ATRNL1: variants seen among roughly 807,000 people sequenced by gnomAD.
The protein encoded by ATRNL1 is attractin like 1.
A neutral mutation model predicts 182.7 loss-of-function variants in ATRNL1; 95 were observed. The observed-to-expected ratio is 0.52, with a 90% confidence interval of 0.44 to 0.62. ATRNL1 has a LOEUF of 0.62. Among genes scored for constraint, ATRNL1 ranks in the 20% least tolerant of loss-of-function variants. The probability of loss-of-function intolerance (pLI) is 0.00; values close to 1 mark genes in which losing one functional copy is unlikely to be tolerated. For synonymous variants in ATRNL1, 576 were observed against 568.3 expected, an observed-to-expected ratio of 1.01 and a Z score of -0.19; for missense variants, 1,471 against 1,679.5, an observed-to-expected ratio of 0.88 and a Z score of 2.17.
At chr10:115,186,208 A>G (rs1847933539) in intron 8 of ATRNL1, among the ~76,000 whole-genome samples, 1 of 151,546 alleles carries the variant, frequency 6.6e-6, no homozygotes, top group African/African-American at 2.4e-5. Flanking sequence ...ACAAATGATG[A>G]GAAACACTGG....
chr10:115,095,322 A>G (rs1337787246), intron 1 of ATRNL1, among the ~76,000 whole-genome samples: 1 of 151,608 alleles, frequency 6.6e-6, no homozygotes, highest in East Asian at 1.9e-4. Context: ...AATGTATTCT[A>G]GGACAATTTC....
rs537669869 is a variant in ATRNL1, at chr10:115,826,496, A to G, written c.3904-21381A>G. Among the ~76,000 whole-genome samples, 12 of 152,226 alleles carry G rather than the reference A, an allele frequency of 7.9e-5. No individual in the cohort carries two copies. In the South Asian group the frequency reaches 2.3e-3, roughly 29 times the overall value. On this transcript the variant is annotated intron_variant, in intron 27 of 28. Coordinates refer to ENST00000355044, the MANE Select transcript of ATRNL1 (RefSeq NM_207303.4). Reference sequence around the variant, plus strand: ...CTTTTTCACTCCCATAGTTTGGCGTATGGGAAACAATGTTACAGCCCTTTT... The same window carrying G: ...CTTTTTCACTCCCATAGTTTGGCGTGTGGGAAACAATGTTACAGCCCTTTT...
Position 115,764,284 on chromosome 10 carries a change from C to T in ATRNL1, c.3903+36929C>T, listed in dbSNP as rs1326618100. On this transcript the variant is annotated intron_variant, in intron 27 of 28. Transcript: ENST00000355044. ...CCCCACCAGAGTGACACAGTTGTTACACTTGATGAAGCTACATTGACACAT... is the reference window on the plus strand; with the variant it reads ...CCCCACCAGAGTGACACAGTTGTTATACTTGATGAAGCTACATTGACACAT... Among the ~76,000 whole-genome samples, 6 of 152,282 alleles carry T rather than the reference C, an allele frequency of 3.9e-5. No homozygotes were observed. In the South Asian group the frequency reaches 1.0e-3, roughly 26 times the overall value.
chr10:115,356,173 AT>A, intron 19 of ATRNL1, among the ~76,000 whole-genome samples: 1 of 152,072 alleles, frequency 6.6e-6, no homozygotes, highest in Non-Finnish European at 1.5e-5. Flanking sequence ...ATTCTCACAC[AT>A]TGTAGATTAT....
intron 26 of ATRNL1, among the ~76,000 whole-genome samples, chr10:115,698,484 C>G (rs188297333): frequency 6.2e-4 from 94 of 151,972 alleles, no homozygotes; most frequent in African/African-American, 2.1e-3. Flanking sequence ...TTGCTAGTGT[C>G]AAGAAGAAAT....
chr10:115,374,658 C>A (rs1554949043), intron 19 of ATRNL1, among the ~76,000 whole-genome samples: 1 of 151,710 alleles, frequency 6.6e-6, no homozygotes, highest in Non-Finnish European at 1.5e-5. Flanking sequence ...TTGTTCAACC[C>A]ATAACTTTTG....
chr10:115,452,065 A>G (rs2134489082), intron 21 of ATRNL1, among the ~76,000 whole-genome samples: 1 of 152,234 alleles, frequency 6.6e-6, no homozygotes, highest in East Asian at 1.9e-4. Flanking sequence ...GATGAGAACT[A>G]AAGAACACAA....
At chr10:115,566,956 A>C (rs782059369) in intron 26 of ATRNL1, among the ~76,000 whole-genome samples, 1 of 152,154 alleles carries the variant, frequency 6.6e-6, no homozygotes, top group African/African-American at 2.4e-5. Context: ...TTGATGAATC[A>C]TATTCCAATT....
chr10:115,690,942 A>G (rs1386514889), intron 26 of ATRNL1, among the ~76,000 whole-genome samples: 1 of 152,038 alleles, frequency 6.6e-6, no homozygotes, highest in African/African-American at 2.4e-5. Flanking sequence ...ATTACGCTTT[A>G]CCTACAATAC....
Position 115,621,254 on chromosome 10 carries a change from A to AATATATATATAT in ATRNL1, c.3795+71730_3795+71741dup, listed in dbSNP as rs781830067. 6.9e-3 allele frequency among the ~76,000 whole-genome samples: 488 copies of AATATATATATAT among 71,006 alleles called. 11 individuals carry two copies. The highest frequency in any genetic ancestry group is 0.013 in the South Asian group (20 of 1,528). 46.6% of individuals were successfully genotyped at this position (71,006 alleles called of 152,430 possible). A position where few individuals can be genotyped will look rare whatever the true frequency, so the allele number is the denominator to read the frequency against. On this transcript the variant is annotated intron_variant, in intron 26 of 28. Transcript: ENST00000355044. ...TTCAAATAATGGCCATTGAGCTCTG[A>AATATATATATAT]ATATATATATATATATATATATAGA...
rs768372126 is a variant in ATRNL1, at chr10:115,147,213, C to G, written c.830-12827C>G. Among the ~76,000 whole-genome samples, 37 of 152,104 alleles carry G rather than the reference C, an allele frequency of 2.4e-4. 1 individual carries two copies. Among genetic ancestry groups the G allele is most frequent in the Non-Finnish European group, 4.6e-4 (31 of 67,954 alleles). On this transcript the variant is annotated intron_variant, in intron 5 of 28. Transcript: ENST00000355044. ...TTGTGGTTTTTGATTGGCAAATTCC[C>G]TGGTGATTGGTGATGTTAAACTATT... is the stretch of plus-strand genomic sequence containing the variant.
At chr10:115,938,608 C>T (rs532572991) in intron 28 of ATRNL1, among the ~76,000 whole-genome samples, 179 of 151,914 alleles carry the variant, frequency 1.2e-3, no homozygotes, top group Non-Finnish European at 2.1e-3. Context: ...TGTCCATCAA[C>T]GGATAAAGGG....
At chr10:115,267,150 C>A (rs543975314) in intron 12 of ATRNL1, 145 bp downstream of exon 12, 1 of 574,574 alleles carries the variant, frequency 1.7e-6, no homozygotes, top group Non-Finnish European at 3.1e-6. Context: ...AATGTTTGAA[C>A]CTAGTGATTA....
At chr10:115,270,495 A>C (rs1203585433) in intron 13 of ATRNL1, among the ~76,000 whole-genome samples, 3 of 149,916 alleles carry the variant, frequency 2.0e-5, no homozygotes, top group African/African-American at 7.3e-5. Context: ...AAATTGGCTC[A>C]TGTGGTTATG....
At chr10:115,334,485 C>T in intron 19 of ATRNL1, 66 bp downstream of exon 19, 1 of 1,293,444 alleles carries the variant, frequency 7.7e-7, no homozygotes, top group Non-Finnish European at 1.0e-6. Flanking sequence ...GAAAGCAGCG[C>T]CTGTTGTGGA....
At chr10:115,243,802 T>A (rs1353231663) in intron 10 of ATRNL1, among the ~76,000 whole-genome samples, 1 of 152,000 alleles carries the variant, frequency 6.6e-6, no homozygotes, top group Non-Finnish European at 1.5e-5. Flanking sequence ...TTTTTTTTTA[T>A]CCCCTGTGCT....
At chr10:115,506,675 C>T (rs950901519) in intron 24 of ATRNL1, among the ~76,000 whole-genome samples, 3 of 152,068 alleles carry the variant, frequency 2.0e-5, no homozygotes, top group South Asian at 2.1e-4. Context: ...GGAAGTTGTA[C>T]GGCAAAATAA....
At chr10:115,369,176 T>A (rs1592539082) in intron 19 of ATRNL1, among the ~76,000 whole-genome samples, 2 of 151,186 alleles carry the variant, frequency 1.3e-5, no homozygotes, top group Admixed American at 1.3e-4. Context: ...ATTTCATTTT[T>A]AAATATATAT....
At chr10:115,351,725 T>C (rs2134125352) in intron 19 of ATRNL1, among the ~76,000 whole-genome samples, 1 of 151,318 alleles carries the variant, frequency 6.6e-6, no homozygotes, top group South Asian at 2.1e-4. Flanking sequence ...GATATTGGCC[T>C]GTAGTTTTCT....
Sources: gnomAD v4.1 joint callset for allele counts (sites outside exome capture counted in the v4.1 genomes callset) on GRCh38, gnomAD v4.1.1 for gene constraint, MANE v1.5 for transcripts, NCBI Gene and HGNC (gene_info 2026-07-23, HGNC 2026-07-21) for gene names.